MYO1E: variants seen among roughly 807,000 people sequenced by gnomAD.
MYO1E encodes myosin IE.
MYO1E carries 68 observed loss-of-function variants against 151.1 expected under a neutral mutation model. The observed-to-expected ratio is 0.45, with a 90% CI of 0.37 to 0.55. The LOEUF (loss-of-function observed/expected upper bound fraction) is 0.55, where lower values mean the gene tolerates loss of function less well. Among genes scored for constraint, MYO1E ranks in the 20% least tolerant of loss-of-function variants. The pLI is 0.00. For synonymous variants in MYO1E, 601 were observed against 501.7 expected (o/e 1.20, Z -2.64); for missense variants, 1,363 against 1,389.3 (o/e 0.98, Z 0.30).
chr15:59,303,231 G>A (rs1479994275), intron 1 of MYO1E, among the ~76,000 whole-genome samples: 2 of 152,202 alleles, frequency 1.3e-5, no homozygotes, highest in African/African-American at 4.8e-5. Flanking sequence ...GAGCAACGTG[G>A]CGAAACCCTG....
At chr15:59,246,094 T>C (rs973297931) in intron 4 of MYO1E, among the ~76,000 whole-genome samples, 1 of 152,146 alleles carries the variant, frequency 6.6e-6, no homozygotes, top group Non-Finnish European at 1.5e-5. Flanking sequence ...ATTATCATTC[T>C]TTTTTTAAAT....
chr15:59,254,362 A>C (rs1376578081), intron 4 of MYO1E, among the ~76,000 whole-genome samples: 1 of 152,124 alleles, frequency 6.6e-6, no homozygotes, highest in Non-Finnish European at 1.5e-5. Context: ...TAATTAAAAA[A>C]ACTTTTTTAT....
intron 1 of MYO1E, among the ~76,000 whole-genome samples, chr15:59,302,288 G>T (rs1222027415): frequency 5.3e-5 from 8 of 152,064 alleles, no homozygotes; most frequent in African/African-American, 1.9e-4. Flanking sequence ...GAGAAAAAAG[G>T]CACCCCAAAA....
intron 23 of MYO1E, among the ~76,000 whole-genome samples, chr15:59,162,297 G>C (rs1431228514): frequency 5.3e-5 from 8 of 152,082 alleles, no homozygotes; most frequent in African/African-American, 1.9e-4. Context: ...TGAGATTAGA[G>C]GGTCAACAGT....
At chr15:59,230,641 T>C (rs929953536) in intron 6 of MYO1E, among the ~76,000 whole-genome samples, 9 of 152,098 alleles carry the variant, frequency 5.9e-5, no homozygotes, top group Admixed American at 3.3e-4. Flanking sequence ...GACAAACAAA[T>C]GAGTAGTTTG....
intron 25 of MYO1E, among the ~76,000 whole-genome samples, chr15:59,156,276 C>G (rs1057168217): frequency 6.6e-6 from 1 of 152,178 alleles, no homozygotes; most frequent in Admixed American, 6.5e-5. Flanking sequence ...TCTCCACCTC[C>G]CGGGTTCAAG....
chr15:59,149,896 T>C (rs2079466183), intron 26 of MYO1E, among the ~76,000 whole-genome samples: 1 of 152,220 alleles, frequency 6.6e-6, no homozygotes, highest in Admixed American at 6.5e-5. Flanking sequence ...CTTGGGATCC[T>C]AAAATTCCCT....
chr15:59,214,810 C>T (rs548073963), intron 10 of MYO1E, 90 bp from the exon 11 acceptor site: 28 of 962,784 alleles, frequency 2.9e-5, no homozygotes, highest in Middle Eastern at 2.1e-4. Flanking sequence ...GGATTCTACA[C>T]GGCAAACACT....
At chr15:59,194,568 C>T (rs541772887) in intron 17 of MYO1E, among the ~76,000 whole-genome samples, 1 of 152,152 alleles carries the variant, frequency 6.6e-6, no homozygotes, top group East Asian at 1.9e-4. Context: ...AAGAGCCTAC[C>T]TTCTTTTCTC....
At chr15:59,263,880 G>A (rs1461667015) in intron 2 of MYO1E, among the ~76,000 whole-genome samples, 3 of 152,144 alleles carry the variant, frequency 2.0e-5, no homozygotes, top group Admixed American at 1.3e-4. Context: ...GCCAATGATA[G>A]ATTAGTGAAA....
intron 4 of MYO1E, among the ~76,000 whole-genome samples, chr15:59,254,039 T>C (rs2080180560): frequency 6.6e-6 from 1 of 151,308 alleles, no homozygotes; most frequent in Admixed American, 6.6e-5. Flanking sequence ...ATAAACCAAC[T>C]ATAAAAAAGA....
rs766950100 is a variant in MYO1E at position 59,195,443 on chromosome 15, G to C, written c.1805+18C>G. On this transcript the variant is annotated intron_variant, in intron 17 of 27. Transcript: ENST00000288235. ...GGAAAAAGGTCCCGGCCCCACCTAA[G>C]CCGGTTTCCCCCGATACCTGCTTTC... 6.3e-7 allele frequency: 1 copy of C among 1,598,138 alleles called. No individual in the cohort carries two copies. The highest frequency in any genetic ancestry group is 1.1e-5 in the South Asian group (1 of 90,694).
intron 22 of MYO1E, among the ~76,000 whole-genome samples, chr15:59,168,176 A>C (rs556642226): frequency 7.0e-4 from 106 of 152,310 alleles, no homozygotes; most frequent in African/African-American, 2.4e-3. Flanking sequence ...TAGAAAAGAT[A>C]AAGACTTCTA....
chr15:59,231,457 T>C (rs148389082), intron 6 of MYO1E, among the ~76,000 whole-genome samples: 1 of 152,370 alleles, frequency 6.6e-6, no homozygotes, highest in East Asian at 1.9e-4. Flanking sequence ...ATCATTTATT[T>C]TCCTTAGTAA....
rs1168048880 is a variant in MYO1E at position 59,256,335 on chromosome 15, T to A, written c.281A>T (p.Asn94Ile). Reference protein sequence around the residue: ...NPPHIYALADNMYRNMIIDRE... With the variant: ...NPPHIYALADIMYRNMIIDRE... ...GTCAATGATCATGTTTCTGTACATA[T>A]TATCTGCAAGGGCATAGATATGTGG... The change falls in exon 4 of 28, where the codon AAT becomes ATT. Residue 94 changes from asparagine (N) to isoleucine (I), a missense_variant. Asn to Ile is a moderately radical substitution (Grantham distance 149). Transcript: ENST00000288235. 1.2e-5 allele frequency: 19 copies of A among 1,613,102 alleles called. No individual in the cohort carries two copies. The highest frequency in any genetic ancestry group is 1.3e-5 in the Non-Finnish European group (15 of 1,179,258).
At chr15:59,250,823 T>TG (rs2080160196) in intron 4 of MYO1E, among the ~76,000 whole-genome samples, 1 of 152,136 alleles carries the variant, frequency 6.6e-6, no homozygotes. Context: ...CAGAAATCCT[T>TG]GGGAGCAGGT....
At chr15:59,252,710 G>C (rs1056411538) in intron 4 of MYO1E, among the ~76,000 whole-genome samples, 1 of 140,566 alleles carries the variant, frequency 7.1e-6, no homozygotes, top group Non-Finnish European at 1.5e-5. Flanking sequence ...GTGAGACTCT[G>C]TCTCAAAAAA....
At chr15:59,219,834 G>A (rs1444974749) in intron 9 of MYO1E, among the ~76,000 whole-genome samples, 3 of 134,582 alleles carry the variant, frequency 2.2e-5, no homozygotes, top group African/African-American at 1.2e-4. Context: ...TGTAGAATCT[G>A]CAAGTGGATA....
At chr15:59,194,427 T>C in intron 17 of MYO1E, among the ~76,000 whole-genome samples, 1 of 152,202 alleles carries the variant, frequency 6.6e-6, no homozygotes, top group East Asian at 1.9e-4. Context: ...CTATCTGCCA[T>C]GGTTTAGGAT....
Sources: gnomAD v4.1 joint callset for allele counts (sites outside exome capture counted in the v4.1 genomes callset) on GRCh38, gnomAD v4.1.1 for gene constraint, MANE v1.5 for transcripts, NCBI Gene and HGNC (gene_info 2026-07-23, HGNC 2026-07-21) for gene names.